Variants in NKAIN2 observed in about 807,000 individuals in gnomAD.
NKAIN2 encodes the protein sodium/potassium transporting ATPase interacting 2, also known as sodium/potassium-transporting ATPase subunit beta-1-interacting protein 2.
A neutral mutation model predicts 32.6 loss-of-function variants in NKAIN2; 14 were observed. The observed-to-expected ratio is 0.43, with a 90% confidence interval of 0.28 to 0.67. NKAIN2 has a LOEUF of 0.67. Ranked by LOEUF, NKAIN2 falls within the 30% of genes least tolerant of loss-of-function variation. NKAIN2 has a pLI of 0.17. For missense variants in NKAIN2, 198 were observed against 258.3 expected (o/e 0.77, Z 1.60); for synonymous variants, 80 against 87.2 (o/e 0.92, Z 0.46).
intron 1 of NKAIN2, among the ~76,000 whole-genome samples, chr6:124,239,182 A>G (rs1038547008): frequency 9.2e-5 from 14 of 152,220 alleles, no homozygotes; most frequent in Non-Finnish European, 1.9e-4. Flanking sequence ...ATAAAGTATC[A>G]ATGCAACAGG....
At chr6:124,307,853 A>G (rs1452669838) in intron 2 of NKAIN2, among the ~76,000 whole-genome samples, 3 of 152,208 alleles carry the variant, frequency 2.0e-5, no homozygotes, top group African/African-American at 7.2e-5. Context: ...GGAACTAAAT[A>G]TATTCTTTCT....
chr6:124,649,220 C>G (rs547336979), intron 3 of NKAIN2, among the ~76,000 whole-genome samples: 1 of 152,158 alleles, frequency 6.6e-6, no homozygotes, highest in Admixed American at 6.5e-5. Context: ...ATTAATAAAT[C>G]ATTAGGCCTT....
At chr6:124,732,355 G>T (rs1315485194) in intron 4 of NKAIN2, among the ~76,000 whole-genome samples, 1 of 152,044 alleles carries the variant, frequency 6.6e-6, no homozygotes, top group East Asian at 1.9e-4. Flanking sequence ...GACAGGGTTT[G>T]GTGAAATCCC....
At chr6:124,559,699 T>C (rs1780613367) in intron 3 of NKAIN2, among the ~76,000 whole-genome samples, 1 of 152,108 alleles carries the variant, frequency 6.6e-6, no homozygotes, top group South Asian at 2.1e-4. Flanking sequence ...CATTTTTTCC[T>C]CCTTCTATCA....
chr6:124,693,112 A>G lies in NKAIN2; in HGVS notation c.474+34726A>G, dbSNP rs963968602. Among the ~76,000 whole-genome samples, 10 of 152,152 alleles carry G rather than the reference A, an allele frequency of 6.6e-5. 1 individual carries two copies. Among genetic ancestry groups the G allele is most frequent in the South Asian group, 4.2e-4 (2 of 4,812 alleles). ...GCTAAGTAAAAACAGGGTCGTTTGT[A>G]TAGAATTCTCCTGCCTTGGGGAGTA... On this transcript the variant is annotated intron_variant, in intron 4 of 6. Transcript: ENST00000368417.
intron 1 of NKAIN2, among the ~76,000 whole-genome samples, chr6:123,912,925 T>A (rs1362169920): frequency 1.3e-5 from 2 of 152,246 alleles, no homozygotes; most frequent in Non-Finnish European, 2.9e-5. Context: ...TAGTGAAAGC[T>A]ACTTAGTAAA....
At chr6:124,634,235 C>T (rs1783686286) in intron 3 of NKAIN2, among the ~76,000 whole-genome samples, 1 of 151,988 alleles carries the variant, frequency 6.6e-6, no homozygotes, top group Non-Finnish European at 1.5e-5. Flanking sequence ...GAAACACAGC[C>T]ACTAACAGAC....
intron 5 of NKAIN2, among the ~76,000 whole-genome samples, chr6:124,802,166 A>G (rs1780290266): frequency 6.6e-6 from 1 of 152,226 alleles, no homozygotes; most frequent in Non-Finnish European, 1.5e-5. Flanking sequence ...TATTTCTCTA[A>G]TAGGTAATTA....
intron 1 of NKAIN2, among the ~76,000 whole-genome samples, chr6:124,204,566 C>A (rs980108858): frequency 6.6e-6 from 1 of 151,650 alleles, no homozygotes. Flanking sequence ...TTTATTTGGA[C>A]GGTTAAGTGG....
At chr6:123,938,399 TATATATATATATATA>T (rs1776626678) in intron 1 of NKAIN2, among the ~76,000 whole-genome samples, 1 of 1,638 alleles carries the variant, frequency 6.1e-4, no homozygotes, top group East Asian at 0.014. Context: ...GCAAGGGTTA[TATATATATATATATA>T]TATATATATA....
At chr6:123,921,931 CAA>C (rs777980067) in intron 1 of NKAIN2, among the ~76,000 whole-genome samples, 2 of 128,468 alleles carry the variant, frequency 1.6e-5, no homozygotes, top group Non-Finnish European at 1.7e-5. Context: ...ACTCTGTCTC[CAA>C]AAAAAAAAAA....
At chr6:123,967,409 T>A (rs1335712689) in intron 1 of NKAIN2, among the ~76,000 whole-genome samples, 1 of 152,244 alleles carries the variant, frequency 6.6e-6, no homozygotes, top group African/African-American at 2.4e-5. Context: ...CAGCTAATAA[T>A]GTGCTGAGTA....
intron 4 of NKAIN2, among the ~76,000 whole-genome samples, chr6:124,729,847 C>G (rs28858382): frequency 0.59 from 89,522 of 150,742 alleles, 26,991 homozygotes; most frequent in East Asian, 0.71. Context: ...AGCTGATAAG[C>G]AACTTCAGCA....
At chr6:124,805,905 T>C (rs1420608148) in intron 5 of NKAIN2, among the ~76,000 whole-genome samples, 1 of 151,740 alleles carries the variant, frequency 6.6e-6, no homozygotes, top group African/African-American at 2.4e-5. Flanking sequence ...GAAGATGAAA[T>C]GAATGAAATG....
At chr6:124,643,521 T>C (rs931721482) in intron 3 of NKAIN2, among the ~76,000 whole-genome samples, 4 of 152,168 alleles carry the variant, frequency 2.6e-5, no homozygotes, top group African/African-American at 9.7e-5. Context: ...TATCGGTATA[T>C]TTTATTTTTA....
intron 4 of NKAIN2, among the ~76,000 whole-genome samples, chr6:124,712,715 G>A (rs984775475): frequency 6.6e-5 from 10 of 151,378 alleles, no homozygotes; most frequent in African/African-American, 2.4e-4. Context: ...GCACTCCCTA[G>A]TGAGATGAAC....
At chr6:124,738,516 G>A (rs892440484) in intron 4 of NKAIN2, among the ~76,000 whole-genome samples, 1 of 151,738 alleles carries the variant, frequency 6.6e-6, no homozygotes, top group Non-Finnish European at 1.5e-5. Flanking sequence ...GGAAATTATT[G>A]CTATGCTATT....
intron 2 of NKAIN2, among the ~76,000 whole-genome samples, chr6:124,330,065 G>A (rs1334577171): frequency 6.6e-6 from 1 of 152,174 alleles, no homozygotes; most frequent in Non-Finnish European, 1.5e-5. Flanking sequence ...TGGGGATTGA[G>A]CATTGCTCTG....
At chr6:124,517,838 C>T (rs1467497020) in intron 3 of NKAIN2, among the ~76,000 whole-genome samples, 10 of 151,998 alleles carry the variant, frequency 6.6e-5, no homozygotes, top group Non-Finnish European at 1.2e-4. Flanking sequence ...TTTCCAAGAA[C>T]GTGCTAATTC....
Sources: gnomAD v4.1 joint callset for allele counts (sites outside exome capture counted in the v4.1 genomes callset) on GRCh38, gnomAD v4.1.1 for gene constraint, MANE v1.5 for transcripts, NCBI Gene and HGNC (gene_info 2026-07-23, HGNC 2026-07-21) for gene names.